NF1: variants seen among roughly 807,000 people sequenced by gnomAD.
NF1 encodes neurofibromin 1.
NF1 carries 122 observed loss-of-function variants against 325.7 expected under a neutral mutation model. That is an observed-to-expected ratio of 0.37 (90% CI 0.32 to 0.44). NF1 has a LOEUF of 0.44. Ranked by LOEUF, NF1 falls within the 20% of genes least tolerant of loss-of-function variation. NF1 has a pLI of 1.00. For missense variants in NF1, 2,140 were observed against 3,415.4 expected (o/e 0.63, Z 9.31); for synonymous variants, 1,091 against 1,186.0 (o/e 0.92, Z 1.65).
At chr17:31,237,465 C>T (rs1036888675) in intron 29 of NF1, among the ~76,000 whole-genome samples, 1 of 151,768 alleles carries the variant, frequency 6.6e-6, no homozygotes, top group Non-Finnish European at 1.5e-5. Flanking sequence ...TTGGTAGAGA[C>T]GAGGTTTTGC....
chr17:31,126,313 T>A (rs1369252021), intron 1 of NF1, among the ~76,000 whole-genome samples: 2 of 152,230 alleles, frequency 1.3e-5, no homozygotes, highest in African/African-American at 4.8e-5. Context: ...AGAGCATTTG[T>A]GTTATTTATT....
chr17:31,312,468 A>T (rs2151518512), intron 36 of NF1, among the ~76,000 whole-genome samples: 1 of 151,680 alleles, frequency 6.6e-6, no homozygotes, highest in African/African-American at 2.4e-5. Context: ...CCTGTGAGCC[A>T]AGATGGTGCC....
intron 29 of NF1, among the ~76,000 whole-genome samples, chr17:31,242,602 G>T (rs994602378): frequency 6.6e-6 from 1 of 152,072 alleles, no homozygotes; most frequent in Non-Finnish European, 1.5e-5. Flanking sequence ...TATGTCAGCT[G>T]CATTTTTCGT....
intron 48 of NF1, chr17:31,345,760 G>C (rs1271950077): frequency 1.9e-6 from 3 of 1,604,092 alleles, no homozygotes; most frequent in Non-Finnish European, 2.6e-6. Flanking sequence ...GAGAATAGGC[G>C]TGGCCAGCAC....
chr17:31,178,822 A>G (rs1419140139), intron 5 of NF1, among the ~76,000 whole-genome samples: 1 of 152,240 alleles, frequency 6.6e-6, no homozygotes, highest in African/African-American at 2.4e-5. Flanking sequence ...TAACTACCCT[A>G]AATATATATG....
chr17:31,276,152 T>C (rs1410345734), intron 36 of NF1, among the ~76,000 whole-genome samples: 1 of 129,680 alleles, frequency 7.7e-6, no homozygotes, highest in Admixed American at 1.0e-4. Context: ...GAGGTTGCAG[T>C]GAGCTGAGAT....
rs1302949776 is a variant in NF1, at chr17:31,326,103, G to A, written c.5119G>A (p.Val1707Ile). 1 of 1,613,604 alleles carries A rather than the reference G, an allele frequency of 6.2e-7. No homozygotes were observed. Among genetic ancestry groups the A allele is most frequent in the Non-Finnish European group, 8.5e-7 (1 of 1,179,654 alleles). Residue 1707 changes from valine to isoleucine, a missense_variant, in exon 37 of 58, where the codon GTT becomes ATT. Physicochemically the swap from Val to Ile is conservative, Grantham distance 29 (BLOSUM62 3). This residue lies in a region of NF1 where 147 missense variants were observed against 186.7 expected (regional missense o/e 0.79). Transcript: ENST00000358273. ...LTGLKGSKRL[V>I]FIDCPGKLAE... The stretch of plus-strand genomic sequence containing the variant: ...TGGCCTCAAAGGTAGCAAAAGGCTT[G>A]TTTTCATAGACTGTCCTGGGAAACT...
intron 36 of NF1, chr17:31,319,091 G>C (rs2151527878): frequency 1.4e-6 from 2 of 1,472,354 alleles, no homozygotes; most frequent in African/African-American, 1.4e-5. Context: ...GGTAATTGTA[G>C]TTAAAAGATA....
intron 27 of NF1, 115 bp downstream of exon 27, chr17:31,233,328 G>A (rs1414768151): frequency 1.9e-6 from 2 of 1,079,724 alleles, no homozygotes; most frequent in Non-Finnish European, 2.8e-6. Flanking sequence ...AGAGCCAGAA[G>A]AAAGATGTTT....
chr17:31,117,666 C>G (rs1914057826), intron 1 of NF1, among the ~76,000 whole-genome samples: 1 of 30,612 alleles, frequency 3.3e-5, no homozygotes, highest in African/African-American at 6.4e-5. Context: ...GAGCAAAACT[C>G]CATCTCAAAA....
At chr17:31,287,542 C>CTG (rs59906241) in intron 36 of NF1, among the ~76,000 whole-genome samples, 21,843 of 145,388 alleles carry the variant, frequency 0.15, 1,619 homozygotes, top group Middle Eastern at 0.18. Context: ...TCATTCATAA[C>CTG]TGTGTGTGTG....
chr17:31,227,896 A>G (rs940532245), intron 20 of NF1, among the ~76,000 whole-genome samples: 8 of 152,210 alleles, frequency 5.3e-5, no homozygotes, highest in African/African-American at 1.4e-4. Flanking sequence ...TACTTACTCT[A>G]TTGGACAGCA....
At chr17:31,233,274 A>G in intron 27 of NF1, 61 bp downstream of exon 27, 3 of 1,376,376 alleles carry the variant, frequency 2.2e-6, no homozygotes, top group Non-Finnish European at 2.1e-6. Context: ...CCTTCAGAAT[A>G]TATTTGTTCA....
chr17:31,261,802 A>G lies in NF1; in HGVS notation c.4669A>G (p.Thr1557Ala). The G allele has an allele frequency of 6.2e-7, 1 of 1,612,916 alleles. No homozygotes were observed. The change falls in exon 35 of 58, where the codon ACA (threonine) becomes GCA (alanine). Residue 1557 changes from threonine (T) to alanine (A), a missense_variant. By Grantham distance (58) the Thr-to-Ala change is moderately conservative. Transcript: ENST00000358273. ...GPPEHKPVAD[T>A]HWSSLNLTSS... The stretch of plus-strand genomic sequence containing the variant: ...TCCAGAGCACAAACCTGTGGCAGAT[A>G]CACACTGGTCCAGCCTTAACCTTAC...
chr17:31,223,599 G>C (rs2144017885), intron 16 of NF1, 32 bp downstream of exon 16: 1 of 1,593,474 alleles, frequency 6.3e-7, no homozygotes, highest in East Asian at 2.2e-5. Context: ...AAAAATGGAA[G>C]AATATTTGGA....
chr17:31,129,451 GA>G (rs979057196), intron 1 of NF1, among the ~76,000 whole-genome samples: 6 of 134,774 alleles, frequency 4.5e-5, no homozygotes, highest in South Asian at 5.0e-4. Flanking sequence ...ATTGCATTAT[GA>G]AATTTTTTTT....
intron 8 of NF1, among the ~76,000 whole-genome samples, chr17:31,197,344 CTTTTT>C (rs61619278): frequency 1.0e-5 from 1 of 99,298 alleles, no homozygotes. Flanking sequence ...CCGCGCCTGG[CTTTTT>C]TTTTTTTTTT....
intron 1 of NF1, among the ~76,000 whole-genome samples, chr17:31,111,831 T>C (rs1597572513): frequency 1.3e-5 from 2 of 152,162 alleles, no homozygotes; most frequent in Admixed American, 6.5e-5. Context: ...CACACTCGGG[T>C]AAGTGTGTGA....
At chr17:31,222,218 A>G in intron 15 of NF1, 1 of 1,100,408 alleles carries the variant, frequency 9.1e-7, no homozygotes, top group Non-Finnish European at 1.1e-6. Context: ...TGTGGTTACT[A>G]CTGTATTTTT....
Sources: allele counts gnomAD v4.1 joint callset (sites outside exome capture counted in the v4.1 genomes callset), GRCh38; gene constraint gnomAD v4.1.1; regional missense constraint gnomAD v4.1.1; transcripts MANE v1.5; gene names NCBI Gene and HGNC (gene_info 2026-07-23, HGNC 2026-07-21).